COL6A6: variants seen among roughly 807,000 people sequenced by gnomAD.
COL6A6 encodes the protein collagen type VI alpha 6 chain.
In COL6A6, 183 loss-of-function variants were observed where a neutral mutation model predicts 208.6. That is an observed-to-expected ratio of 0.88 (90% confidence interval 0.78 to 0.99). COL6A6 has a LOEUF of 0.99. Ranked by LOEUF, COL6A6 falls within the 50% of genes least tolerant of loss-of-function variation. The pLI is 0.00. For synonymous variants in COL6A6, 973 were observed against 1,011.8 expected (o/e 0.96, Z 0.73); for missense variants, 2,816 against 2,815.2 (o/e 1.00, Z -0.01).
intron 8 of COL6A6, among the ~76,000 whole-genome samples, chr3:130,579,740 T>C (rs1268055548): frequency 6.6e-6 from 1 of 152,204 alleles, no homozygotes; most frequent in Non-Finnish European, 1.5e-5. Flanking sequence ...GCAGATTCAC[T>C]TTAAAGTACA....
Position 130,634,622 on chromosome 3 carries a change from T to G in COL6A6, c.5025T>G (p.Pro1675=). 6.2e-7 allele frequency: 1 copy of G among 1,607,020 alleles called. No homozygotes were observed. Among genetic ancestry groups the G allele is most frequent in the Non-Finnish European group, 8.5e-7 (1 of 1,176,292 alleles). ...GQEGFPGESG[P]KGEIGDPGGP... ...AAGGATTCCCTGGAGAAAGTGGACC[T>G]AAGGTACCGTGTGCTTCCTAGTAAC... Residue 1675 remains proline, a synonymous_variant, in exon 27 of 37, where the codon CCT becomes CCG. Coordinates refer to ENST00000358511, the MANE Select transcript of COL6A6 (RefSeq NM_001102608.3).
rs373893329 is a variant in COL6A6 at position 130,544,453 on chromosome 3, C to T, written c.-31-15881C>T. On this transcript the variant is annotated intron_variant, in intron 1 of 36. Coordinates refer to ENST00000358511, the MANE Select transcript of COL6A6 (RefSeq NM_001102608.3). ...CCATGATGAACACTTCAGTCGTTTT[C>T]GTATGTTGGCTATTGTGAACAGTGT... 4.6e-5 allele frequency among the ~76,000 whole-genome samples: 7 copies of T among 152,106 alleles called. No homozygotes were observed. In the South Asian group the frequency reaches 1.0e-3, roughly 22 times the overall value.
intron 36 of COL6A6, among the ~76,000 whole-genome samples, chr3:130,665,829 C>T (rs937768743): frequency 6.6e-5 from 10 of 152,250 alleles, no homozygotes; most frequent in African/African-American, 2.4e-4. Context: ...AAAACCATCG[C>T]GTGACAGGTT....
chr3:130,528,709 TTTGAA>T (rs796706741), intron 1 of COL6A6, among the ~76,000 whole-genome samples: 3 of 152,184 alleles, frequency 2.0e-5, no homozygotes, highest in African/African-American at 7.2e-5. Context: ...GTCACCTGGG[TTTGAA>T]TAATCACCCA....
At chr3:130,649,952 G>A (rs16830628) in intron 33 of COL6A6, among the ~76,000 whole-genome samples, 3,663 of 152,294 alleles carry the variant, frequency 0.024, 120 homozygotes, top group African/African-American at 0.075. Flanking sequence ...TAAAGATACT[G>A]AATCAGGAGG....
intron 1 of COL6A6, among the ~76,000 whole-genome samples, chr3:130,548,991 A>G (rs1174119177): frequency 6.6e-6 from 1 of 152,176 alleles, no homozygotes; most frequent in Non-Finnish European, 1.5e-5. Flanking sequence ...ATGACCTCCA[A>G]GCTTCTTATA....
At chr3:130,601,851 A>G (rs566919534) in intron 20 of COL6A6, among the ~76,000 whole-genome samples, 5 of 152,346 alleles carry the variant, frequency 3.3e-5, no homozygotes, top group South Asian at 4.1e-4. Context: ...ATGCCGGCCA[A>G]CTGTTTTTAA....
In COL6A6 at chr3:130,574,027, A is replaced by G. The variant is rs199660739; in HGVS notation, c.3049A>G (p.Lys1017Glu). ...AACTAGCATTCAGCCAAATGACTTCAAGAAAATGAAGGAATTTCTGGCATC... is the reference window on the plus strand; with the variant it reads ...AACTAGCATTCAGCCAAATGACTTCGAGAAAATGAAGGAATTTCTGGCATC... ...GSTSIQPNDF[K>E]KMKEFLASVV... The change falls in exon 8 of 37, where the codon AAG becomes GAG. Residue 1017 changes from lysine (K) to glutamate (E), a missense_variant. Physicochemically the swap from Lys to Glu is moderately conservative, Grantham distance 56. Transcript: ENST00000358511. 524 of 1,613,770 alleles carry G rather than the reference A, an allele frequency of 3.2e-4. No homozygotes were observed. Among genetic ancestry groups the G allele is most frequent in the Non-Finnish European group, 4.3e-4 (510 of 1,179,836 alleles).
intron 36 of COL6A6, among the ~76,000 whole-genome samples, chr3:130,673,247 C>T (rs558446803): frequency 4.3e-5 from 6 of 139,648 alleles, no homozygotes; most frequent in Non-Finnish European, 9.2e-5. Flanking sequence ...CAAGTGCAAA[C>T]TCCTACATAT....
chr3:130,603,874 C>T (rs181043164), intron 20 of COL6A6, among the ~76,000 whole-genome samples: 2 of 152,152 alleles, frequency 1.3e-5, no homozygotes, highest in African/African-American at 2.4e-5. Flanking sequence ...GCCCTGTAAA[C>T]AACCAGAAAG....
chr3:130,649,651 G>A, intron 33 of COL6A6, 89 bp downstream of exon 33: 1 of 1,359,628 alleles, frequency 7.4e-7, no homozygotes, highest in Admixed American at 2.8e-5. Context: ...CAAAATCAGG[G>A]CCATTTGTTA....
chr3:130,583,331 G>A (rs191323206), intron 10 of COL6A6, among the ~76,000 whole-genome samples: 1 of 152,156 alleles, frequency 6.6e-6, no homozygotes, highest in Admixed American at 6.5e-5. Flanking sequence ...TTTTAATTAA[G>A]ACTGAAAAAA....
chr3:130,664,870 C>A, intron 35 of COL6A6, 133 bp from the exon 36 acceptor site: 1 of 614,606 alleles, frequency 1.6e-6, no homozygotes, highest in Non-Finnish European at 2.9e-6. Context: ...GCTTTCATTT[C>A]ATGTGATCAC....
intron 28 of COL6A6, among the ~76,000 whole-genome samples, chr3:130,638,183 T>C (rs2065210752): frequency 6.6e-6 from 1 of 152,058 alleles, no homozygotes; most frequent in African/African-American, 2.4e-5. Context: ...CATTTCCTTC[T>C]CCCCAGAAAC....
At chr3:130,603,782 A>G (rs1459728797) in intron 20 of COL6A6, among the ~76,000 whole-genome samples, 4 of 152,178 alleles carry the variant, frequency 2.6e-5, no homozygotes, top group Admixed American at 6.5e-5. Flanking sequence ...ACTTAGTATT[A>G]ATGTGATGTT....
At chr3:130,569,840 G>A (rs6439248) in intron 6 of COL6A6, among the ~76,000 whole-genome samples, 148,421 of 152,246 alleles carry the variant, frequency 0.97, 72,374 homozygotes, top group Admixed American at 0.99. Context: ...ATGGCCTGCA[G>A]TTAGTGGGGA....
chr3:130,553,282 C>T (rs75858192), intron 1 of COL6A6, among the ~76,000 whole-genome samples: 1 of 152,308 alleles, frequency 6.6e-6, no homozygotes, highest in African/African-American at 2.4e-5. Flanking sequence ...TCAGGAATGC[C>T]AATGAGTCAT....
intron 1 of COL6A6, among the ~76,000 whole-genome samples, chr3:130,558,110 A>G (rs561290665): frequency 1.3e-5 from 2 of 152,298 alleles, no homozygotes; most frequent in African/African-American, 4.8e-5. Context: ...CTTTAAATAA[A>G]CCTCACCTTC....
chr3:130,666,908 GCA>G (rs2066089034), intron 36 of COL6A6, among the ~76,000 whole-genome samples: 2 of 152,124 alleles, frequency 1.3e-5, no homozygotes, highest in South Asian at 4.1e-4. Context: ...ATGGGGAAAT[GCA>G]GGACACCAAG....
Sources: gnomAD v4.1 joint callset for allele counts (sites outside exome capture counted in the v4.1 genomes callset) on GRCh38, gnomAD v4.1.1 for gene constraint, MANE v1.5 for transcripts, NCBI Gene and HGNC (gene_info 2026-07-23, HGNC 2026-07-21) for gene names.